The following SLC12A7 variants were observed in gnomAD, a reference collection of about 807,000 sequenced individuals.
SLC12A7 encodes the protein solute carrier family 12 member 7.
A neutral mutation model predicts 120.6 loss-of-function variants in SLC12A7; 100 were observed. The observed-to-expected ratio is 0.83, with a 90% CI of 0.71 to 0.98. The LOEUF (loss-of-function observed/expected upper bound fraction) is 0.98, where lower values mean the gene tolerates loss of function less well. Ranked by LOEUF, SLC12A7 falls within the 50% of genes least tolerant of loss-of-function variation. The pLI, the probability that SLC12A7 is intolerant of heterozygous loss-of-function variation, is 0.00. For synonymous variants in SLC12A7, 760 were observed against 678.0 expected (o/e 1.12, Z -1.88); for missense variants, 1,373 against 1,548.1 (o/e 0.89, Z 1.90).
chr5:1,056,033 C>T (rs1228528909), intron 22 of SLC12A7, among the ~76,000 whole-genome samples: 3 of 152,128 alleles, frequency 2.0e-5, no homozygotes, highest in East Asian at 1.9e-4. Flanking sequence ...GAGACGGCAT[C>T]GAGGACTCCC....
chr5:1,137,542 CA>C, the SLC12A7 span, among the ~76,000 whole-genome samples: 1 of 152,204 alleles, frequency 6.6e-6, no homozygotes, highest in Non-Finnish European at 1.5e-5. Flanking sequence ...CCCTCCTCCT[CA>C]ACCTGCCTGG....
the SLC12A7 span, among the ~76,000 whole-genome samples, chr5:1,135,719 A>G: frequency 0.31 from 46,651 of 152,154 alleles, 8,970 homozygotes; most frequent in African/African-American, 0.55. Context: ...AAAGACAAAC[A>G]TCCCATTCAG....
chr5:1,089,228 T>C, intron 3 of SLC12A7, 100 bp from the exon 4 acceptor site: 1 of 1,386,248 alleles, frequency 7.2e-7, no homozygotes, highest in Non-Finnish European at 9.8e-7. Flanking sequence ...AAAGCGGCCG[T>C]GGGGGCAGGA....
At chr5:1,058,800 C>T (rs955276898) in intron 21 of SLC12A7, among the ~76,000 whole-genome samples, 22 of 152,314 alleles carry the variant, frequency 1.4e-4, no homozygotes, top group Admixed American at 1.3e-3. Flanking sequence ...TGCCCGCTCT[C>T]GGCAGAGCCA....
At chr5:1,140,207 C>G in the SLC12A7 span, among the ~76,000 whole-genome samples, 1 of 152,248 alleles carries the variant, frequency 6.6e-6, no homozygotes, top group Admixed American at 6.5e-5. Context: ...CCCGGCCCAC[C>G]TGCATGCAGG....
intron 8 of SLC12A7, among the ~76,000 whole-genome samples, chr5:1,082,529 A>C (rs866822443): frequency 1.3e-5 from 1 of 75,104 alleles, no homozygotes; most frequent in Non-Finnish European, 2.6e-5. Flanking sequence ...TTCCCGTCTC[A>C]GGTTCTGGAA....
At chr5:1,134,986 G>A in the SLC12A7 span, among the ~76,000 whole-genome samples, 1 of 151,726 alleles carries the variant, frequency 6.6e-6, no homozygotes, top group South Asian at 2.1e-4. Context: ...AATTACCTGG[G>A]TATGGTGGCG....
intron 12 of SLC12A7, 80 bp downstream of exon 12, chr5:1,077,753 G>T: frequency 1.4e-6 from 2 of 1,395,196 alleles, no homozygotes; most frequent in Non-Finnish European, 9.6e-7. Flanking sequence ...CCCACACACG[G>T]CACTGTGAGG....
At position 1,085,278 on chromosome 5, in the gene SLC12A7, T is replaced by TGGCCAGGATGGACAGCACGACGCA; in HGVS notation, c.847_870dup (p.Cys283_Ala290dup). The TGGCCAGGATGGACAGCACGACGCA allele has an allele frequency of 4.3e-6, 7 of 1,612,418 alleles. No homozygotes were observed. The highest frequency in any genetic ancestry group is 5.9e-6 in the Non-Finnish European group (7 of 1,179,844). Reference sequence around the variant, plus strand: ...GCAGACTTGATGACGCCGGCATAGATGGCCAGGATGGACAGCACGACGCAG... The same window carrying TGGCCAGGATGGACAGCACGACGCA: ...GCAGACTTGATGACGCCGGCATAGATGGCCAGGATGGACAGCACGACGCAGGCCAGGATGGACAGCACGACGCAG... On this transcript the variant is annotated inframe_insertion, in exon 7 of 24. Coordinates refer to ENST00000264930, the MANE Select transcript of SLC12A7 (RefSeq NM_006598.3).
intron 21 of SLC12A7, among the ~76,000 whole-genome samples, chr5:1,058,206 G>C (rs916991554): frequency 6.6e-6 from 1 of 152,358 alleles, no homozygotes; most frequent in Admixed American, 6.5e-5. Context: ...CTGACAATCC[G>C]AGGAAAATGA....
the SLC12A7 span, among the ~76,000 whole-genome samples, chr5:1,143,559 G>A: frequency 6.6e-6 from 1 of 152,190 alleles, no homozygotes; most frequent in South Asian, 2.1e-4. Flanking sequence ...CCTAGCTCCA[G>A]ATACAGTCCC....
intron 2 of SLC12A7, 78 bp from the exon 3 acceptor site, chr5:1,093,733 G>C: frequency 6.3e-7 from 1 of 1,584,814 alleles, no homozygotes. Flanking sequence ...TGTTCAGGGT[G>C]TGGAGCTCAG....
chr5:1,116,275 C>G (rs558980119), upstream of SLC12A7, among the ~76,000 whole-genome samples: 2 of 152,346 alleles, frequency 1.3e-5, no homozygotes, highest in Admixed American at 6.5e-5. Context: ...AGCTGCCCCC[C>G]GCCCCGATCC....
At chr5:1,154,540 C>A in the SLC12A7 span, among the ~76,000 whole-genome samples, 10 of 152,148 alleles carry the variant, frequency 6.6e-5, no homozygotes. Context: ...CATAGACACA[C>A]ACACGGACAC....
At position 1,077,940 on chromosome 5, in the gene SLC12A7, C is replaced by A; in HGVS notation, c.1522G>T (p.Val508Phe). 1 of 1,601,690 alleles carries A rather than the reference C, an allele frequency of 6.2e-7. No individual in the cohort carries two copies. The highest frequency in any genetic ancestry group is 8.5e-7 in the Non-Finnish European group (1 of 1,174,608). Reference sequence around the variant, plus strand: ...CAGGTGGAGAAGAAGGAGCCGATGACGATGACCCAGGGGGAGGGCCAGGCC... The same window carrying A: ...CAGGTGGAGAAGAAGGAGCCGATGAAGATGACCCAGGGGGAGGGCCAGGCC... ...MLAWPSPWVI[V>F]IGSFFSTCGA... The change falls in exon 12 of 24, where the codon GTC (valine) becomes TTC (phenylalanine). Residue 508 changes from valine (V) to phenylalanine (F), a missense_variant. By Grantham distance (50) the Val-to-Phe change is conservative. Transcript: ENST00000264930.
At chr5:1,053,509 G>A (rs765381501) in intron 22 of SLC12A7, 27 bp from the exon 23 acceptor site, 36 of 1,608,750 alleles carry the variant, frequency 2.2e-5, no homozygotes, top group South Asian at 7.7e-5. Context: ...CACGGTCAGC[G>A]GGCGGCGGGT....
At chr5:1,090,316 A>G (rs980081027) in intron 3 of SLC12A7, among the ~76,000 whole-genome samples, 2 of 152,188 alleles carry the variant, frequency 1.3e-5, no homozygotes, top group African/African-American at 2.4e-5. Context: ...ATAATGTAAG[A>G]GCAGCTCGGA....
chr5:1,093,449 C>G, intron 3 of SLC12A7, 84 bp downstream of exon 3: 1 of 1,394,732 alleles, frequency 7.2e-7, no homozygotes, highest in Non-Finnish European at 9.7e-7. Context: ...GCTCTTCTGA[C>G]AAGCAACTGC....
rs1410292453 is a variant in SLC12A7 at position 1,065,417 on chromosome 5, G to C, written c.2303C>G (p.Ser768Cys). 4 of 1,612,100 alleles carry C rather than the reference G, an allele frequency of 2.5e-6. No homozygotes were observed. Among genetic ancestry groups the C allele is most frequent in the Non-Finnish European group, 3.4e-6 (4 of 1,179,396 alleles). The change falls in exon 18 of 24, where the codon TCC (serine) becomes TGC (cysteine). Residue 768 changes from serine to cysteine, a missense_variant. Ser to Cys is a moderately radical substitution (Grantham distance 112, BLOSUM62 -1). Transcript: ENST00000264930. ...TKGFCQLVVS[S>C]SLRDGMSHLI... ...GTGGGACATGCCATCCCGCAGGCTGGACGAGACCACCAGCTGGCAGAAGCC... is the reference window on the plus strand; with the variant it reads ...GTGGGACATGCCATCCCGCAGGCTGCACGAGACCACCAGCTGGCAGAAGCC...
Sources: allele counts gnomAD v4.1 joint callset (sites outside exome capture counted in the v4.1 genomes callset), GRCh38; gene constraint gnomAD v4.1.1; transcripts MANE v1.5; gene names NCBI Gene and HGNC (gene_info 2026-07-23, HGNC 2026-07-21).